Variants in KAZN observed in about 807,000 individuals in gnomAD.
KAZN encodes kazrin, periplakin interacting protein.
Under a neutral mutation model 87.4 loss-of-function variants are expected in KAZN, and 40 were observed. The ratio of observed to expected loss-of-function variants is 0.46; its 90% CI spans 0.36 to 0.60. The LOEUF (loss-of-function observed/expected upper bound fraction) is 0.60, where lower values mean the gene tolerates loss of function less well. KAZN is among the 20% of genes least tolerant of loss of function. The pLI, the probability that KAZN is intolerant of heterozygous loss-of-function variation, is 0.00. For synonymous variants in KAZN, 466 were observed against 458.3 expected (o/e 1.02, Z -0.22); for missense variants, 898 against 1,073.9 (o/e 0.84, Z 2.29).
At chr1:14,655,414 T>C (rs1171291539) in intron 1 of KAZN, among the ~76,000 whole-genome samples, 3 of 152,222 alleles carry the variant, frequency 2.0e-5, no homozygotes, top group African/African-American at 7.2e-5. Flanking sequence ...CTTCTTCTTT[T>C]CATAATTATC....
intron 3 of KAZN, among the ~76,000 whole-genome samples, chr1:15,037,393 G>A (rs1672444741): frequency 6.6e-6 from 1 of 152,156 alleles, no homozygotes; most frequent in South Asian, 2.1e-4. Context: ...ATTAAGAGCA[G>A]ACAGATAGGT....
intron 1 of KAZN, among the ~76,000 whole-genome samples, chr1:14,057,214 A>C (rs570392339): frequency 1.3e-5 from 2 of 150,930 alleles, no homozygotes; most frequent in South Asian, 4.2e-4. Context: ...AGCTCACTGC[A>C]ATCTCTGGCT....
At chr1:13,907,324 G>A (rs1370473717) in intron 1 of KAZN, among the ~76,000 whole-genome samples, 1 of 152,162 alleles carries the variant, frequency 6.6e-6, no homozygotes, top group Non-Finnish European at 1.5e-5. Flanking sequence ...TAGTGAGGTG[G>A]AGTGGCCCCT....
Position 15,065,055 on chromosome 1 carries a change from G to A in KAZN, c.1099-575G>A, listed in dbSNP as rs184164805. 5.7e-5 allele frequency among the ~76,000 whole-genome samples: 6 copies of A among 104,368 alleles called. No homozygotes were observed. The East Asian group carries it at 9.3e-4, about 16-fold the overall frequency. The allele number at this position is 104,368 out of a possible 152,430, so 68.5% of individuals were successfully genotyped here. ...TTTTTTTTTTTTTTTTTTTTGAGAC[G>A]GAGTCTCACTCTGTCGCCCAGGCTG... On this transcript the variant is annotated intron_variant, in intron 7 of 14. Coordinates refer to ENST00000376030, the MANE Select transcript of KAZN (RefSeq NM_201628.3).
At chr1:14,365,629 T>C (rs1231365778) in intron 2 of KAZN, among the ~76,000 whole-genome samples, 9 of 152,274 alleles carry the variant, frequency 5.9e-5, no homozygotes, top group South Asian at 2.1e-4. Context: ...GTCCTGTGCA[T>C]TGCAGGATGT....
At chr1:15,054,934 A>G (rs919586728) in intron 4 of KAZN, among the ~76,000 whole-genome samples, 1 of 152,250 alleles carries the variant, frequency 6.6e-6, no homozygotes, top group Non-Finnish European at 1.5e-5. Flanking sequence ...AGCTGGGCTT[A>G]GGATCTGCCT....
At chr1:14,544,398 T>TG (rs1205957083) in intron 2 of KAZN, among the ~76,000 whole-genome samples, 1 of 137,144 alleles carries the variant, frequency 7.3e-6, no homozygotes, top group Admixed American at 8.8e-5. Context: ...CTCAAAAATG[T>TG]GAAAAAGTGG....
chr1:14,362,208 T>G (rs1247005926), intron 2 of KAZN, among the ~76,000 whole-genome samples: 1 of 152,214 alleles, frequency 6.6e-6, no homozygotes, highest in East Asian at 1.9e-4. Context: ...ATCTGAAGGC[T>G]TGATTGGGAA....
At chr1:14,864,618 GACACAGCCCTAA>G (rs1651244063) in intron 1 of KAZN, among the ~76,000 whole-genome samples, 1 of 152,136 alleles carries the variant, frequency 6.6e-6, no homozygotes, top group South Asian at 2.1e-4. Flanking sequence ...AGGTGGGACG[GACACAGCCCTAA>G]ACCTTGAAGT....
Position 15,114,790 on chromosome 1 carries a change from C to T in KAZN, c.*155C>T. On this transcript the variant is annotated 3_prime_UTR_variant, in exon 15 of 15. Coordinates refer to ENST00000376030, the MANE Select transcript of KAZN (RefSeq NM_201628.3). ...CCCGATGGACTCTGCGGTTTCAGCTCCACAGCGCCCAGGAGAGAGAAGACA... is the reference window on the plus strand; with the variant it reads ...CCCGATGGACTCTGCGGTTTCAGCTTCACAGCGCCCAGGAGAGAGAAGACA... 2 of 689,516 alleles carry T rather than the reference C, an allele frequency of 2.9e-6. No individual in the cohort carries two copies. Among genetic ancestry groups the T allele is most frequent in the Non-Finnish European group, 4.7e-6 (2 of 421,736 alleles). 42.7% of individuals were successfully genotyped at this position (689,516 alleles called of 1,614,324 possible). A position where few individuals can be genotyped will look rare whatever the true frequency, so the allele number is the denominator to read the frequency against.
In KAZN at chr1:14,972,215, T is replaced by G. The variant is rs528408609; in HGVS notation, c.418+11340T>G. On this transcript the variant is annotated intron_variant, in intron 2 of 14. Transcript: ENST00000376030. The stretch of plus-strand genomic sequence containing the variant: ...GCCTCCATCACTGTGCAGGTCTTCA[T>G]GCCTACCTGGCCATGACAGGGTCAG... Among the ~76,000 whole-genome samples, 3 of 152,250 alleles carry G rather than the reference T, an allele frequency of 2.0e-5. No individual in the cohort carries two copies. The South Asian group carries it at 6.2e-4, about 32-fold the overall frequency.
At chr1:14,156,871 C>G (rs889323936) in intron 1 of KAZN, among the ~76,000 whole-genome samples, 4 of 148,874 alleles carry the variant, frequency 2.7e-5, no homozygotes, top group Admixed American at 6.7e-5. Context: ...TTACTCCTGC[C>G]ATTTAAAAAT....
chr1:14,395,914 A>G (rs1019984712), intron 2 of KAZN, among the ~76,000 whole-genome samples: 26 of 152,118 alleles, frequency 1.7e-4, no homozygotes, highest in African/African-American at 5.8e-4. Context: ...CATGCCTGTA[A>G]TCCCAGCACT....
At chr1:14,962,664 A>C (rs2101788102) in intron 2 of KAZN, among the ~76,000 whole-genome samples, 1 of 152,288 alleles carries the variant, frequency 6.6e-6, no homozygotes, top group Non-Finnish European at 1.5e-5. Context: ...AGTGGAGAGT[A>C]GGGACTGGCT....
chr1:14,655,488 T>G (rs955569901), intron 1 of KAZN, among the ~76,000 whole-genome samples: 1 of 152,218 alleles, frequency 6.6e-6, no homozygotes, highest in Admixed American at 6.5e-5. Flanking sequence ...AGTGAATTAG[T>G]GAAATCCCTC....
chr1:15,052,591 CATGTGTGTATGTGTGTATATGTGTGT>C (rs1157180016), intron 4 of KAZN, among the ~76,000 whole-genome samples: 1 of 151,572 alleles, frequency 6.6e-6, no homozygotes, highest in African/African-American at 2.4e-5. Context: ...TATGTGTGTG[CATGTGTGTATGTGTGTATATGTGTGT>C]ATGTGCATGT....
In KAZN at chr1:14,353,051, G is replaced by A. The variant is rs187231808; in HGVS notation, c.249+172459G>A. ...CTGTTAAAGAGCATCTACAGTAATC[G>A]TGACTCCTTATGTTGAAATATTGAG... On this transcript the variant is annotated intron_variant, in intron 2 of 16. Coordinates refer to the KAZN transcript ENST00000636203. Among the ~76,000 whole-genome samples, 313 of 152,222 alleles carry A rather than the reference G, an allele frequency of 2.1e-3. 2 individuals carry two copies. The highest frequency in any genetic ancestry group is 2.1e-3 in the Non-Finnish European group (143 of 68,024).
At chr1:14,525,840 A>G (rs1431445555) in intron 2 of KAZN, among the ~76,000 whole-genome samples, 1 of 152,234 alleles carries the variant, frequency 6.6e-6, no homozygotes, top group Non-Finnish European at 1.5e-5. Context: ...ACTCAGTGCA[A>G]TCCTATGGGG....
Position 14,052,681 on chromosome 1 carries a change from A to G in KAZN, c.92-127754A>G, listed in dbSNP as rs1008730690. Among the ~76,000 whole-genome samples, 9 of 152,200 alleles carry G rather than the reference A, an allele frequency of 5.9e-5. No homozygotes were observed. In the South Asian group the frequency reaches 1.2e-3, roughly 21 times the overall value. ...GCAGAGGCCCATTTGGTGAGCTCCA[A>G]TCATCCTGGAGAGCAGCAAAAGGAG... On this transcript the variant is annotated intron_variant, in intron 1 of 16. Transcript: ENST00000636203.
Sources: allele counts gnomAD v4.1 joint callset (sites outside exome capture counted in the v4.1 genomes callset), GRCh38; gene constraint gnomAD v4.1.1; transcripts MANE v1.5; gene names NCBI Gene and HGNC (gene_info 2026-07-23, HGNC 2026-07-21).